The following PAWR variants were observed in gnomAD, a reference collection of about 807,000 sequenced individuals.
PAWR encodes the protein pro-apoptotic WT1 regulator.
Under a neutral mutation model 32.0 loss-of-function variants are expected in PAWR, and 23 were observed. That is an observed-to-expected ratio of 0.72 (90% CI 0.52 to 1.02). PAWR has a LOEUF of 1.02. PAWR is among the 50% of genes least tolerant of loss of function. The pLI is 0.00. For missense variants in PAWR, 457 were observed against 437.7 expected, an observed-to-expected ratio of 1.04 and a Z score of -0.39; for synonymous variants, 226 against 187.1, an observed-to-expected ratio of 1.21 and a Z score of -1.70.
At chr12:79,599,226 T>C (rs1322350290) in intron 4 of PAWR, among the ~76,000 whole-genome samples, 1 of 152,242 alleles carries the variant, frequency 6.6e-6, no homozygotes, top group African/African-American at 2.4e-5. Flanking sequence ...AAGACCAATG[T>C]ACACCCTAGC....
chr12:79,602,186 G>A (rs746512052), intron 4 of PAWR, among the ~76,000 whole-genome samples: 9 of 152,152 alleles, frequency 5.9e-5, no homozygotes, highest in Non-Finnish European at 1.3e-4. Flanking sequence ...AGCAAAGAAG[G>A]AATGACTAAA....
At chr12:79,614,803 TA>T (rs1420618786) in intron 3 of PAWR, among the ~76,000 whole-genome samples, 1 of 152,208 alleles carries the variant, frequency 6.6e-6, no homozygotes, top group Non-Finnish European at 1.5e-5. Context: ...CATGATGCGA[TA>T]AAAGACTAGC....
chr12:79,606,059 G>C (rs1874169568), intron 4 of PAWR, among the ~76,000 whole-genome samples: 2 of 152,118 alleles, frequency 1.3e-5, no homozygotes, highest in African/African-American at 4.8e-5. Flanking sequence ...GGGCAACAGA[G>C]TGAGACTCTG....
Position 79,590,230 on chromosome 12 carries a change from G to A in PAWR, c.*2377C>T, listed in dbSNP as rs1407422414. 2 of 137,968 alleles carry A rather than the reference G, an allele frequency of 1.4e-5. No individual in the cohort carries two copies. The highest frequency in any genetic ancestry group is 5.5e-5 in the African/African-American group (2 of 36,608). The allele number at this position is 137,968 out of a possible 1,614,324, so 8.5% of individuals were successfully genotyped here. ...TTTTTTTTTTTGGAGACAGAGTTTC[G>A]CTCTTCTTGCCCAGGCTGGAGTACA... On this transcript the variant is annotated 3_prime_UTR_variant, in exon 7 of 7. Coordinates refer to ENST00000328827, the MANE Select transcript of PAWR (RefSeq NM_002583.4).
intron 2 of PAWR, among the ~76,000 whole-genome samples, chr12:79,623,611 C>T (rs151277590): frequency 9.5e-5 from 14 of 147,354 alleles, no homozygotes; most frequent in Non-Finnish European, 1.3e-4. Flanking sequence ...AAAAACAGTA[C>T]GTGCATGAAA....
intron 2 of PAWR, among the ~76,000 whole-genome samples, chr12:79,628,007 C>G (rs1464786927): frequency 1.3e-5 from 2 of 152,158 alleles, no homozygotes; most frequent in Admixed American, 6.5e-5. Context: ...AATATACATT[C>G]TTTTCAGTAC....
intron 2 of PAWR, among the ~76,000 whole-genome samples, chr12:79,661,813 C>G (rs915223376): frequency 6.6e-6 from 1 of 152,092 alleles, no homozygotes; most frequent in African/African-American, 2.4e-5. Context: ...GGGCCATACA[C>G]TAAGCAGGGG....
At chr12:79,683,912 AT>A (rs1878561947) in intron 2 of PAWR, among the ~76,000 whole-genome samples, 1 of 152,106 alleles carries the variant, frequency 6.6e-6, no homozygotes, top group Admixed American at 6.5e-5. Flanking sequence ...CCATAATTTC[AT>A]TTTCTCTGTA....
At position 79,589,386 on chromosome 12, in the gene PAWR, C is replaced by CA. The variant is rs1873480269; in HGVS notation, c.*3220dup. ...TCTAATTATAAAATCCAGATTAATC[C>CA]AAAAAACACAAACCACATGTAACCG... On this transcript the variant is annotated 3_prime_UTR_variant, in exon 7 of 7. Coordinates refer to ENST00000328827, the MANE Select transcript of PAWR (RefSeq NM_002583.4). 1 of 150,620 alleles carries CA rather than the reference C, an allele frequency of 6.6e-6. No homozygotes were observed. Among genetic ancestry groups the CA allele is most frequent in the African/African-American group, 2.4e-5 (1 of 41,040 alleles). 9.3% of individuals were successfully genotyped at this position (150,620 alleles called of 1,614,324 possible). A position where few individuals can be genotyped will look rare whatever the true frequency, so the allele number is the denominator to read the frequency against.
Position 79,589,734 on chromosome 12 carries a change from T to C in PAWR, c.*2873A>G, listed in dbSNP as rs528760997. 3 of 152,328 alleles carry C rather than the reference T, an allele frequency of 2.0e-5. No homozygotes were observed. The highest frequency in any genetic ancestry group is 7.2e-5 in the African/African-American group (3 of 41,576). The allele number at this position is 152,328 out of a possible 1,614,324, so 9.4% of individuals were successfully genotyped here. On this transcript the variant is annotated 3_prime_UTR_variant, in exon 7 of 7. Coordinates refer to ENST00000328827, the MANE Select transcript of PAWR (RefSeq NM_002583.4). ...TTTCAGAAATCAAGGAGGCAAGTCATGTTCATTTTAAAGATGACAAACTTA... is the reference window on the plus strand; with the variant it reads ...TTTCAGAAATCAAGGAGGCAAGTCACGTTCATTTTAAAGATGACAAACTTA...
rs1873542447 is a variant in PAWR, at chr12:79,591,143, TC to T, written c.*1463del. ...AGCCAGGGAGTTCTTTCTAAGTTCCTCAAGTGATTCTGATGATTGGCCAAGC... is the reference window on the plus strand; with the variant it reads ...AGCCAGGGAGTTCTTTCTAAGTTCCTAAGTGATTCTGATGATTGGCCAAGC... On this transcript the variant is annotated 3_prime_UTR_variant, in exon 7 of 7. Transcript: ENST00000328827. The T allele has an allele frequency of 6.6e-6, 1 of 152,194 alleles. No homozygotes were observed. The highest frequency in any genetic ancestry group is 2.4e-5 in the African/African-American group (1 of 41,450). The allele number at this position is 152,194 out of a possible 1,614,324, so 9.4% of individuals were successfully genotyped here.
At chr12:79,664,663 G>GGT (rs1555177493) in intron 2 of PAWR, among the ~76,000 whole-genome samples, 1 of 149,084 alleles carries the variant, frequency 6.7e-6, no homozygotes, top group Admixed American at 6.7e-5. Context: ...TTTGGCGGGG[G>GGT]GGGGAGGAGA....
intron 2 of PAWR, among the ~76,000 whole-genome samples, chr12:79,687,158 A>C (rs993976216): frequency 1.3e-5 from 2 of 152,206 alleles, no homozygotes; most frequent in South Asian, 2.1e-4. Flanking sequence ...CTCATTAAAG[A>C]AGCTCTGGAT....
At chr12:79,680,031 C>A (rs1878365110) in intron 2 of PAWR, among the ~76,000 whole-genome samples, 1 of 152,284 alleles carries the variant, frequency 6.6e-6, no homozygotes, top group African/African-American at 2.4e-5. Context: ...ATATTTTAGA[C>A]AGATTGATGG....
intron 2 of PAWR, among the ~76,000 whole-genome samples, chr12:79,631,421 T>TATTTAAAAAC (rs957408641): frequency 6.6e-6 from 1 of 152,212 alleles, no homozygotes; most frequent in African/African-American, 2.4e-5. Flanking sequence ...TAGAATATCT[T>TATTTAAAAAC]AAGGACTTAT....
chr12:79,620,207 T>C (rs888190158), intron 3 of PAWR, among the ~76,000 whole-genome samples: 5 of 152,168 alleles, frequency 3.3e-5, no homozygotes, highest in South Asian at 2.1e-4. Flanking sequence ...TTCTCTAATA[T>C]ATAACTGATA....
chr12:79,690,621 A>G (rs1878969755), intron 1 of PAWR: 1 of 168,556 alleles, frequency 5.9e-6, no homozygotes, highest in Non-Finnish European at 1.3e-5. Context: ...CCCACCCCCA[A>G]GTCGGCCCGC....
intron 2 of PAWR, among the ~76,000 whole-genome samples, chr12:79,666,440 C>G (rs1877606895): frequency 6.6e-6 from 1 of 152,176 alleles, no homozygotes; most frequent in East Asian, 1.9e-4. Context: ...CCAAGCACCC[C>G]TGTGAGTCCC....
At chr12:79,676,533 A>G (rs1341311378) in intron 2 of PAWR, among the ~76,000 whole-genome samples, 3 of 152,066 alleles carry the variant, frequency 2.0e-5, no homozygotes, top group Non-Finnish European at 4.4e-5. Flanking sequence ...GTATGGCAAC[A>G]ACTAATCTCC....
Sources: allele counts gnomAD v4.1 joint callset (sites outside exome capture counted in the v4.1 genomes callset), GRCh38; gene constraint gnomAD v4.1.1; transcripts MANE v1.5; gene names NCBI Gene and HGNC (gene_info 2026-07-23, HGNC 2026-07-21).